GBE1: variants seen among roughly 807,000 people sequenced by gnomAD.
GBE1 encodes 1,4-alpha-glucan-branching enzyme.
Under a neutral mutation model 88.8 loss-of-function variants are expected in GBE1, and 70 were observed. That is an observed-to-expected ratio of 0.79 (90% CI 0.65 to 0.96). The LOEUF (loss-of-function observed/expected upper bound fraction) is 0.96. Ranked by LOEUF, GBE1 falls within the 40% of genes least tolerant of loss-of-function variation. GBE1 has a pLI of 0.00. For missense variants in GBE1, 872 were observed against 871.0 expected (o/e 1.00, Z -0.01); for synonymous variants, 284 against 300.1 (o/e 0.95, Z 0.56).
intron 14 of GBE1, among the ~76,000 whole-genome samples, chr3:81,529,578 TATAAC>T (rs1203130519): frequency 6.6e-6 from 1 of 151,866 alleles, no homozygotes; most frequent in Non-Finnish European, 1.5e-5. Flanking sequence ...TTTTACTGGA[TATAAC>T]ATTCTAGGAT....
intron 1 of GBE1, among the ~76,000 whole-genome samples, chr3:81,725,211 T>C (rs1706091741): frequency 6.6e-6 from 1 of 152,208 alleles, no homozygotes; most frequent in Admixed American, 6.5e-5. Flanking sequence ...CTTTTCTATT[T>C]TATAAACTTT....
At chr3:81,653,454 C>G (rs1401378235) in intron 3 of GBE1, among the ~76,000 whole-genome samples, 1 of 151,932 alleles carries the variant, frequency 6.6e-6, no homozygotes, top group Non-Finnish European at 1.5e-5. Context: ...ACACTGCACT[C>G]CAGCCTGGAC....
chr3:81,687,784 C>T (rs186262531), intron 2 of GBE1, among the ~76,000 whole-genome samples: 3 of 152,188 alleles, frequency 2.0e-5, no homozygotes, highest in East Asian at 3.9e-4. Flanking sequence ...AGAGATGAAA[C>T]GTTGAAAAAG....
At chr3:81,668,997 A>C (rs766113191) in intron 3 of GBE1, among the ~76,000 whole-genome samples, 6 of 152,238 alleles carry the variant, frequency 3.9e-5, no homozygotes, top group Admixed American at 3.9e-4. Context: ...TTACAGTACC[A>C]GGTACACAGA....
chr3:81,668,123 G>GA (rs1334247605), intron 3 of GBE1, among the ~76,000 whole-genome samples: 1 of 152,138 alleles, frequency 6.6e-6, no homozygotes, highest in Non-Finnish European at 1.5e-5. Context: ...CACAGGAACA[G>GA]AAAACCACAC....
chr3:81,677,303 G>A (rs372284822), intron 2 of GBE1, among the ~76,000 whole-genome samples: 3 of 152,106 alleles, frequency 2.0e-5, no homozygotes, highest in East Asian at 1.9e-4. Context: ...TGCAATAGGC[G>A]AGGCTAATAT....
chr3:81,561,801 A>T (rs1322452419), intron 12 of GBE1, among the ~76,000 whole-genome samples: 1 of 152,040 alleles, frequency 6.6e-6, no homozygotes, highest in East Asian at 1.9e-4. Context: ...CTCATCATTC[A>T]TGATCTAAAT....
At chr3:81,571,696 A>G (rs2106924685) in intron 12 of GBE1, among the ~76,000 whole-genome samples, 1 of 152,328 alleles carries the variant, frequency 6.6e-6, no homozygotes, top group South Asian at 2.1e-4. Context: ...CTTTAGTTCA[A>G]AGTATTCTGA....
At chr3:81,518,552 T>C (rs1702829390) in intron 14 of GBE1, among the ~76,000 whole-genome samples, 1 of 151,442 alleles carries the variant, frequency 6.6e-6, no homozygotes, top group Non-Finnish European at 1.5e-5. Flanking sequence ...GAAATGAAGC[T>C]AAATCATAGG....
At chr3:81,662,033 T>TTTAA (rs1705038909) in intron 3 of GBE1, among the ~76,000 whole-genome samples, 1 of 152,162 alleles carries the variant, frequency 6.6e-6, no homozygotes, top group African/African-American at 2.4e-5. Flanking sequence ...ATTTTTTTAA[T>TTTAA]TTTATTTATT....
At chr3:81,597,685 G>GA (rs35013166) in intron 7 of GBE1, among the ~76,000 whole-genome samples, 20,083 of 150,308 alleles carry the variant, frequency 0.13, 1,971 homozygotes, top group East Asian at 0.37. Flanking sequence ...GTAATATCCA[G>GA]AAAAAAAATA....
intron 12 of GBE1, among the ~76,000 whole-genome samples, chr3:81,571,690 A>G (rs1481190734): frequency 6.6e-6 from 1 of 152,222 alleles, no homozygotes; most frequent in African/African-American, 2.4e-5. Flanking sequence ...TTTTTACTTT[A>G]GTTCAAAGTA....
At chr3:81,579,074 T>G (rs1475696117) in intron 11 of GBE1, among the ~76,000 whole-genome samples, 1 of 151,980 alleles carries the variant, frequency 6.6e-6, no homozygotes, top group Non-Finnish European at 1.5e-5. Flanking sequence ...GATTCTATTA[T>G]AAAATTATTT....
chr3:81,516,488 A>G (rs1417769988), intron 14 of GBE1, among the ~76,000 whole-genome samples: 1 of 151,578 alleles, frequency 6.6e-6, no homozygotes, highest in Non-Finnish European at 1.5e-5. Flanking sequence ...GAGATGTACA[A>G]GGAAATTAAT....
intron 12 of GBE1, among the ~76,000 whole-genome samples, chr3:81,547,633 CT>C (rs1242216276): frequency 4.7e-5 from 2 of 42,792 alleles, no homozygotes; most frequent in African/African-American, 2.6e-4. Context: ...TGTTCTCTCT[CT>C]CTCTCTCTCT....
chr3:81,662,622 T>G, intron 3 of GBE1, among the ~76,000 whole-genome samples: 1 of 148,728 alleles, frequency 6.7e-6, no homozygotes, highest in East Asian at 2.0e-4. Context: ...TTCCATACTA[T>G]GCATCACATC....
intron 2 of GBE1, among the ~76,000 whole-genome samples, chr3:81,682,518 CATT>C (rs1387942668): frequency 1.3e-5 from 2 of 151,932 alleles, no homozygotes; most frequent in Non-Finnish European, 2.9e-5. Context: ...GGGTATTCAA[CATT>C]ATTAGTCATG....
intron 1 of GBE1, among the ~76,000 whole-genome samples, chr3:81,707,692 T>C (rs1436479650): frequency 6.6e-6 from 1 of 152,068 alleles, no homozygotes; most frequent in East Asian, 1.9e-4. Flanking sequence ...GTTGTCATCA[T>C]TATACTTTTT....
At chr3:81,567,475 G>A (rs1282152319) in intron 12 of GBE1, among the ~76,000 whole-genome samples, 1 of 152,136 alleles carries the variant, frequency 6.6e-6, no homozygotes, top group Non-Finnish European at 1.5e-5. Flanking sequence ...AGTTCAAACT[G>A]TTTGCCATTT....
Sources: allele counts gnomAD v4.1 joint callset (sites outside exome capture counted in the v4.1 genomes callset), GRCh38; gene constraint gnomAD v4.1.1; transcripts MANE v1.5; gene names NCBI Gene and HGNC (gene_info 2026-07-23, HGNC 2026-07-21).